The following PAK3 variants were observed in gnomAD, a reference collection of about 807,000 sequenced individuals.
PAK3 encodes the protein serine/threonine-protein kinase PAK 3.
PAK3 carries 4 observed loss-of-function variants against 41.0 expected under a neutral mutation model. That is an observed-to-expected ratio of 0.10 (90% CI 0.05 to 0.22). The LOEUF is 0.22. Among genes scored for constraint, PAK3 ranks in the 10% least tolerant of loss-of-function variants. PAK3 has a pLI of 1.00. For synonymous variants in PAK3, 146 were observed against 139.6 expected (o/e 1.05, Z -0.32); for missense variants, 205 against 409.9 (o/e 0.50, Z 4.32).
In PAK3 at chrX:111,207,969, A is replaced by G. The variant is rs147534958; in HGVS notation, c.1408-8452A>G. Among the ~76,000 whole-genome samples, 1,057 of 111,636 alleles carry G rather than the reference A, an allele frequency of 9.5e-3. 9 individuals are homozygous for G. Among genetic ancestry groups the G allele is most frequent in the African/African-American group, 0.032 (992 of 30,645 alleles). ...GCCACCACACTCAGCTAATTTTTGTATTTGTAGTAGAGACGAGGTTTCGCC... is the reference window on the plus strand; with the variant it reads ...GCCACCACACTCAGCTAATTTTTGTGTTTGTAGTAGAGACGAGGTTTCGCC... On this transcript the variant is annotated intron_variant, in intron 16 of 17. Coordinates refer to ENST00000372007, the MANE Select transcript of PAK3 (RefSeq NM_002578.5).
intron 7 of PAK3, among the ~76,000 whole-genome samples, chrX:111,149,293 G>A (rs917942247): frequency 1.8e-5 from 2 of 111,842 alleles, no homozygotes; most frequent in Admixed American, 9.4e-5. Context: ...GCTGTTGAGT[G>A]TCTGCGGCTT....
intron 1 of PAK3, among the ~76,000 whole-genome samples, chrX:110,982,577 G>T (rs2091466744): frequency 8.9e-6 from 1 of 112,265 alleles, no homozygotes; most frequent in African/African-American, 3.2e-5. Flanking sequence ...CTCCCGAAAA[G>T]AACCCTGACA....
At position 111,168,179 on chromosome X, in the gene PAK3, TTGA is replaced by T. The variant is rs754849735; in HGVS notation, c.766+4455_766+4457del. On this transcript the variant is annotated intron_variant, in intron 10 of 17. Transcript: ENST00000372007. ...TTAGCTTAATATGTCAGAAAATATA[TTGA>T]TGGGCTTTTCTGTCACTGAACTCAT... Among the ~76,000 whole-genome samples the T allele has an allele frequency of 9.2e-4, 103 of 112,222 alleles. 1 individual carries two copies. The highest frequency in any genetic ancestry group is 2.6e-3 in the Admixed American group (27 of 10,557).
chrX:111,157,932 A>T (rs952429534), intron 8 of PAK3, among the ~76,000 whole-genome samples: 1 of 112,314 alleles, frequency 8.9e-6, no homozygotes, highest in African/African-American at 3.2e-5. Flanking sequence ...TAAGTTTAGA[A>T]GTTTTAGATA....
chrX:111,116,619 C>T (rs912542329), intron 4 of PAK3, among the ~76,000 whole-genome samples: 2 of 112,125 alleles, frequency 1.8e-5, no homozygotes, highest in South Asian at 7.4e-4. Context: ...TGCAACCTGA[C>T]GTTGAAATTT....
rs768535998 is a variant in PAK3, at chrX:111,047,620, G to A, written c.-27-75457G>A. The stretch of plus-strand genomic sequence containing the variant: ...CAGTAAGTAGCTTGTGTCGGCTTCC[G>A]CATAGAATACACACAGGAGTCTTCC... On this transcript the variant is annotated intron_variant, in intron 1 of 14. Coordinates refer to the PAK3 transcript ENST00000425146. Among the ~76,000 whole-genome samples, 17 of 111,154 alleles carry A rather than the reference G, an allele frequency of 1.5e-4. No homozygotes were observed. In the East Asian group the frequency reaches 2.3e-3, roughly 15 times the overall value.
intron 1 of PAK3, among the ~76,000 whole-genome samples, chrX:111,028,001 G>GTGTGTGTGTATATATACATATATA (rs780630460): frequency 2.8e-4 from 27 of 96,182 alleles, no homozygotes; most frequent in Admixed American, 4.8e-4. Flanking sequence ...ATATGTGTGT[G>GTGTGTGTGTATATATACATATATA]TGTGTATATA....
intron 1 of PAK3, among the ~76,000 whole-genome samples, chrX:111,024,424 G>A (rs1471695128): frequency 1.8e-5 from 2 of 111,640 alleles, no homozygotes; most frequent in African/African-American, 3.3e-5. Context: ...TTCCAATTCT[G>A]TGAAGAAAGT....
chrX:111,055,288 TCC>T (rs2092595743), intron 1 of PAK3, among the ~76,000 whole-genome samples: 1 of 111,637 alleles, frequency 9.0e-6, no homozygotes, highest in Admixed American at 9.5e-5. Context: ...ATTCCCTACT[TCC>T]CCTATACCTT....
rs1232762503 is a variant in PAK3 at position 111,056,364 on chromosome X, T to C, written c.-27-66713T>C. The stretch of plus-strand genomic sequence containing the variant: ...TAAACTCTTCCATACCTCCTGCTAT[T>C]CCAAGTTTTGGTCTGCCACATTAGG... On this transcript the variant is annotated intron_variant, in intron 1 of 14. Transcript: ENST00000425146. Among the ~76,000 whole-genome samples, 3 of 111,980 alleles carry C rather than the reference T, an allele frequency of 2.7e-5. No individual in the cohort carries two copies. The Admixed American group carries it at 2.8e-4, about 11-fold the overall frequency.
At chrX:111,015,648 G>T (rs1358793758) in intron 1 of PAK3, among the ~76,000 whole-genome samples, 2 of 111,141 alleles carry the variant, frequency 1.8e-5, no homozygotes, top group East Asian at 5.7e-4. Context: ...CCATCCTATT[G>T]GGTGTAAGGT....
At chrX:111,162,705 A>G (rs1368295298) in intron 8 of PAK3, among the ~76,000 whole-genome samples, 3 of 111,759 alleles carry the variant, frequency 2.7e-5, no homozygotes, top group African/African-American at 6.5e-5. Flanking sequence ...TTTTTAAGCC[A>G]TGACATGAAT....
At chrX:111,080,402 G>T (rs563840275) in intron 1 of PAK3, among the ~76,000 whole-genome samples, 34 of 112,121 alleles carry the variant, frequency 3.0e-4, no homozygotes, top group African/African-American at 1.1e-3. Flanking sequence ...TCAGATGATC[G>T]ATAACATTGT....
chrX:110,949,301 A>G (rs1312241495), intron 1 of PAK3, among the ~76,000 whole-genome samples: 1 of 111,439 alleles, frequency 9.0e-6, no homozygotes, highest in Non-Finnish European at 1.9e-5. Context: ...TCTTGAGTGT[A>G]TAGTTGTCTG....
intron 7 of PAK3, among the ~76,000 whole-genome samples, chrX:111,148,333 C>G (rs752867612): frequency 8.9e-6 from 1 of 111,999 alleles, no homozygotes; most frequent in African/African-American, 3.2e-5. Flanking sequence ...CTAAGACCCC[C>G]AAATCAGACT....
intron 4 of PAK3, among the ~76,000 whole-genome samples, chrX:111,109,055 T>A (rs756340943): frequency 8.9e-6 from 1 of 112,167 alleles, no homozygotes; most frequent in Non-Finnish European, 1.9e-5. Context: ...TGTAACCTTG[T>A]TTGAGAAATT....
At chrX:110,984,413 G>T (rs967280073) in intron 1 of PAK3, among the ~76,000 whole-genome samples, 5 of 111,792 alleles carry the variant, frequency 4.5e-5, no homozygotes, top group African/African-American at 1.3e-4. Flanking sequence ...CAAGCCCTGG[G>T]TGTCCCCTGA....
chrX:111,178,008 C>T (rs991089768), intron 11 of PAK3, among the ~76,000 whole-genome samples: 7 of 111,228 alleles, frequency 6.3e-5, no homozygotes, highest in African/African-American at 2.3e-4. Context: ...CATCAATGAA[C>T]CTTTAATGAG....
At chrX:110,960,624 A>G (rs2090959906) in intron 1 of PAK3, among the ~76,000 whole-genome samples, 2 of 111,217 alleles carry the variant, frequency 1.8e-5, no homozygotes, top group South Asian at 7.7e-4. Context: ...TGAATGAGAC[A>G]GTGAACCACT....
Sources: gnomAD v4.1 joint callset for allele counts (sites outside exome capture counted in the v4.1 genomes callset) on GRCh38, gnomAD v4.1.1 for gene constraint, MANE v1.5 for transcripts, NCBI Gene and HGNC (gene_info 2026-07-23, HGNC 2026-07-21) for gene names.